STK40: variants seen among roughly 807,000 people sequenced by gnomAD.
STK40 encodes the protein serine/threonine-protein kinase 40.
In STK40, 13 loss-of-function variants were observed where a neutral mutation model predicts 47.9. The observed-to-expected ratio is 0.27, with a 90% CI of 0.18 to 0.43. The LOEUF (loss-of-function observed/expected upper bound fraction) is 0.43, where lower values mean the gene tolerates loss of function less well. Ranked by LOEUF, STK40 falls within the 20% of genes least tolerant of loss-of-function variation. The probability of loss-of-function intolerance (pLI) is 1.00; values close to 1 mark genes in which losing one functional copy is unlikely to be tolerated. For missense variants in STK40, 460 were observed against 595.1 expected (o/e 0.77, Z 2.36); for synonymous variants, 225 against 243.2 (o/e 0.93, Z 0.69).
At chr1:36,356,448 C>T (rs866567736) in intron 4 of STK40, among the ~76,000 whole-genome samples, 2 of 113,500 alleles carry the variant, frequency 1.8e-5, no homozygotes, top group South Asian at 2.9e-4. Context: ...TTTTGTGAGA[C>T]GGAGTCTCAC....
At chr1:36,351,351 T>A (rs1350119132) in intron 6 of STK40, among the ~76,000 whole-genome samples, 1 of 152,156 alleles carries the variant, frequency 6.6e-6, no homozygotes, top group Admixed American at 6.5e-5. Context: ...GTCCGCCTAC[T>A]GCTCCAGTGG....
chr1:36,370,766 T>C (rs1210256903), intron 1 of STK40, among the ~76,000 whole-genome samples: 2 of 152,136 alleles, frequency 1.3e-5, no homozygotes, highest in African/African-American at 4.8e-5. Context: ...TCAATATCCA[T>C]GGGGGATTGG....
In STK40 at chr1:36,341,077, G is replaced by A. The variant is rs920313151; in HGVS notation, c.*678C>T. 1.2e-4 allele frequency: 18 copies of A among 152,526 alleles called. No homozygotes were observed. The highest frequency in any genetic ancestry group is 1.5e-5 in the Non-Finnish European group (1 of 68,238). 9.4% of individuals were successfully genotyped at this position (152,526 alleles called of 1,614,324 possible). A position where few individuals can be genotyped will look rare whatever the true frequency, so the allele number is the denominator to read the frequency against. The stretch of plus-strand genomic sequence containing the variant: ...CTGGCAGGAGGGGCTTCCCTGCCTG[G>A]GGGTGAGGAGGGAGCTCACGTGTGG... On this transcript the variant is annotated 3_prime_UTR_variant, in exon 11 of 11. Coordinates refer to ENST00000373132, the MANE Select transcript of STK40 (RefSeq NM_001282547.2).
At chr1:36,343,759 C>A in intron 9 of STK40, 101 bp downstream of exon 9, 1 of 1,481,984 alleles carries the variant, frequency 6.7e-7, no homozygotes, top group Non-Finnish European at 9.0e-7. Context: ...CTGACTCTAA[C>A]TGGCAGAGAA....
rs550395049 is a variant in STK40 at position 36,365,976 on chromosome 1, C to T, written c.-8-4636G>A. The T allele has an allele frequency of 2.6e-5, 4 of 152,382 alleles. No homozygotes were observed. The East Asian group carries it at 7.7e-4, about 29-fold the overall frequency. 9.4% of individuals were successfully genotyped at this position (152,382 alleles called of 1,614,324 possible). A position where few individuals can be genotyped will look rare whatever the true frequency, so the allele number is the denominator to read the frequency against. On this transcript the variant is annotated intron_variant, in intron 1 of 10. Coordinates refer to ENST00000373132, the MANE Select transcript of STK40 (RefSeq NM_001282547.2). Reference sequence around the variant, plus strand: ...CTCCATGAGTGAACGGATACCTTCCCTCCAGCTGGTGACAGTCATTGCCAG... The same window carrying T: ...CTCCATGAGTGAACGGATACCTTCCTTCCAGCTGGTGACAGTCATTGCCAG...
chr1:36,352,160 G>T (rs1234219589), intron 6 of STK40, among the ~76,000 whole-genome samples: 1 of 152,168 alleles, frequency 6.6e-6, no homozygotes, highest in Admixed American at 6.5e-5. Flanking sequence ...ATGGCTGGGG[G>T]ACCGCTGGGC....
chr1:36,348,659 G>A (rs755741450), intron 7 of STK40, 41 bp downstream of exon 7: 7 of 1,543,850 alleles, frequency 4.5e-6, no homozygotes, highest in South Asian at 1.2e-5. Context: ...GAGCCTGGCT[G>A]TATTGAGCTT....
chr1:36,376,542 AT>A (rs1024144257), intron 1 of STK40, among the ~76,000 whole-genome samples: 17 of 152,212 alleles, frequency 1.1e-4, no homozygotes, highest in Non-Finnish European at 1.8e-4. Context: ...AAACAAAACC[AT>A]AAAAATCAAC....
At chr1:36,361,877 C>T (rs1363810236) in intron 1 of STK40, among the ~76,000 whole-genome samples, 1 of 152,118 alleles carries the variant, frequency 6.6e-6, no homozygotes, top group African/African-American at 2.4e-5. Context: ...GCTTCTTATG[C>T]CCACGGAGTT....
At chr1:36,345,989 A>ATTTTTTTTTTT (rs1330462605) in intron 7 of STK40, among the ~76,000 whole-genome samples, 12 of 19,584 alleles carry the variant, frequency 6.1e-4, no homozygotes, top group African/African-American at 8.3e-4. Context: ...ATATATATAT[A>ATTTTTTTTTTT]TATTTTTTTT....
At chr1:36,367,466 C>T (rs1646912411) in intron 1 of STK40, among the ~76,000 whole-genome samples, 1 of 152,168 alleles carries the variant, frequency 6.6e-6, no homozygotes, top group Admixed American at 6.5e-5. Flanking sequence ...AGTCATCTCA[C>T]CCTAAAGCTA....
intron 6 of STK40, among the ~76,000 whole-genome samples, chr1:36,353,872 T>C (rs966997571): frequency 5.9e-5 from 9 of 152,216 alleles, no homozygotes; most frequent in East Asian, 3.8e-4. Flanking sequence ...CCTGAGGAAA[T>C]TGACCTATGG....
intron 2 of STK40, 81 bp from the exon 3 acceptor site, chr1:36,358,903 G>C (rs944381070): frequency 6.6e-6 from 10 of 1,508,832 alleles, no homozygotes; most frequent in Admixed American, 5.2e-5. Context: ...TCTTTTACTA[G>C]ACCTTCTATT....
At chr1:36,370,899 T>C (rs991317087) in intron 1 of STK40, among the ~76,000 whole-genome samples, 3 of 150,826 alleles carry the variant, frequency 2.0e-5, no homozygotes, top group Non-Finnish European at 4.4e-5. Flanking sequence ...TTTTTTTTGA[T>C]GGAGTCTTGC....
Position 36,340,964 on chromosome 1 carries a change from A to G in STK40, c.*791T>C, listed in dbSNP as rs536554140. The G allele has an allele frequency of 6.5e-6, 1 of 152,732 alleles. No homozygotes were observed. The highest frequency in any genetic ancestry group is 1.9e-4 in the East Asian group (1 of 5,170). 9.5% of individuals were successfully genotyped at this position (152,732 alleles called of 1,614,324 possible). On this transcript the variant is annotated 3_prime_UTR_variant, in exon 11 of 11. Transcript: ENST00000373132. ...GCGTGTACAGCACCTCAGAGAAGCCACTGAGACGGGAGAGAAAGAGCCAGG... is the reference window on the plus strand; with the variant it reads ...GCGTGTACAGCACCTCAGAGAAGCCGCTGAGACGGGAGAGAAAGAGCCAGG...
intron 1 of STK40, among the ~76,000 whole-genome samples, chr1:36,370,862 A>G (rs1346742806): frequency 1.3e-5 from 2 of 151,564 alleles, no homozygotes; most frequent in Non-Finnish European, 1.5e-5. Flanking sequence ...TAACCTGTGC[A>G]TATACTCCCG....
intron 1 of STK40, among the ~76,000 whole-genome samples, chr1:36,367,240 GGGA>G (rs1646910594): frequency 3.3e-5 from 5 of 152,092 alleles, no homozygotes; most frequent in African/African-American, 9.7e-5. Context: ...TGAGGGTGAG[GGGA>G]GGAGGCCAGG....
intron 10 of STK40, 96 bp downstream of exon 10, chr1:36,343,268 C>T: frequency 7.5e-7 from 1 of 1,332,152 alleles, no homozygotes; most frequent in Non-Finnish European, 1.1e-6. Context: ...AACTCTGTGG[C>T]CTGCGGGTAG....
At chr1:36,373,026 T>A (rs947359953) in intron 1 of STK40, among the ~76,000 whole-genome samples, 3 of 152,130 alleles carry the variant, frequency 2.0e-5, no homozygotes, top group Admixed American at 6.5e-5. Context: ...GTTACGCAAA[T>A]GCCAACTGGG....
Sources: gnomAD v4.1 joint callset for allele counts (sites outside exome capture counted in the v4.1 genomes callset) on GRCh38, gnomAD v4.1.1 for gene constraint, MANE v1.5 for transcripts, NCBI Gene and HGNC (gene_info 2026-07-23, HGNC 2026-07-21) for gene names.